MAML2: variants seen among roughly 807,000 people sequenced by gnomAD.
The protein encoded by MAML2 is mastermind-like protein 2.
Under a neutral mutation model 96.1 loss-of-function variants are expected in MAML2, and 22 were observed. The observed-to-expected ratio is 0.23, with a 90% CI of 0.16 to 0.33. The LOEUF (loss-of-function observed/expected upper bound fraction) is 0.33, where lower values mean the gene tolerates loss of function less well. MAML2 is among the 10% of genes least tolerant of loss of function. MAML2 has a pLI of 1.00. For missense variants in MAML2, 1,367 were observed against 1,392.4 expected (o/e 0.98, Z 0.29); for synonymous variants, 561 against 521.3 (o/e 1.08, Z -1.04).
intron 1 of MAML2, among the ~76,000 whole-genome samples, chr11:96,245,860 A>G (rs1862505081): frequency 6.6e-6 from 1 of 151,890 alleles, no homozygotes; most frequent in Admixed American, 6.6e-5. Context: ...GTGCGCCACC[A>G]CATCTGGCTA....
In MAML2 at chr11:96,340,936, A is replaced by C. The variant is rs147344947; in HGVS notation, c.513+447T>G. The stretch of plus-strand genomic sequence containing the variant: ...GGGTCACTTCAAAAGGGAGAGGGGA[A>C]ATGGGGCAAGGAGAAAAAGGCTTTA... On this transcript the variant is annotated intron_variant, in intron 1 of 4. Transcript: ENST00000524717. Among the ~76,000 whole-genome samples the C allele has an allele frequency of 1.5e-3, 226 of 152,290 alleles. 1 individual carries two copies. The highest frequency in any genetic ancestry group is 4.7e-3 in the African/African-American group (194 of 41,564).
intron 1 of MAML2, among the ~76,000 whole-genome samples, chr11:96,172,138 T>C (rs1027726749): frequency 6.6e-6 from 1 of 152,386 alleles, no homozygotes. Context: ...CCAAAAAGTT[T>C]AGACCTCTGC....
At chr11:96,181,881 TATATA>T (rs1861492187) in intron 1 of MAML2, among the ~76,000 whole-genome samples, 1 of 152,076 alleles carries the variant, frequency 6.6e-6, no homozygotes, top group Non-Finnish European at 1.5e-5. Context: ...TTTTTTTCTT[TATATA>T]ATATCACAAC....
intron 1 of MAML2, among the ~76,000 whole-genome samples, chr11:96,309,052 A>G (rs1177015164): frequency 6.6e-6 from 1 of 152,240 alleles, no homozygotes; most frequent in Non-Finnish European, 1.5e-5. Context: ...AAAACAGAGA[A>G]GTAAAAGATA....
At chr11:96,057,882 C>G (rs1442304933) in intron 2 of MAML2, among the ~76,000 whole-genome samples, 1 of 152,196 alleles carries the variant, frequency 6.6e-6, no homozygotes, top group Non-Finnish European at 1.5e-5. Flanking sequence ...TCATAGTGGA[C>G]AGGGATATTG....
At chr11:95,998,141 A>AGCCTGTCTGTCTGTCTGTCTGTCT (rs1858023413) in intron 2 of MAML2, among the ~76,000 whole-genome samples, 2 of 143,544 alleles carry the variant, frequency 1.4e-5, no homozygotes, top group Non-Finnish European at 3.0e-5. Flanking sequence ...TCTGTCTGTC[A>AGCCTGTCTGTCTGTCTGTCTGTCT]GTCTGTCTGT....
chr11:96,173,641 C>A (rs1861336191), intron 1 of MAML2, among the ~76,000 whole-genome samples: 1 of 152,160 alleles, frequency 6.6e-6, no homozygotes, highest in African/African-American at 2.4e-5. Flanking sequence ...TCATTGAATG[C>A]CATGCAAGCC....
intron 2 of MAML2, among the ~76,000 whole-genome samples, chr11:96,022,093 C>T (rs1441380111): frequency 6.6e-6 from 1 of 152,146 alleles, no homozygotes; most frequent in African/African-American, 2.4e-5. Flanking sequence ...GGGCTGGCAC[C>T]CTAGGGCTGG....
chr11:96,203,559 C>CA (rs898412259), intron 1 of MAML2, among the ~76,000 whole-genome samples: 41 of 151,698 alleles, frequency 2.7e-4, no homozygotes, highest in Non-Finnish European at 2.4e-4. Flanking sequence ...CAAGCCTTTA[C>CA]AAAAAAAAGT....
intron 1 of MAML2, among the ~76,000 whole-genome samples, chr11:96,159,506 G>A (rs1004755559): frequency 5.0e-5 from 2 of 40,208 alleles, no homozygotes; most frequent in African/African-American, 1.1e-4. Flanking sequence ...ATCACTGCGA[G>A]CTCCGGCCTC....
rs770880490 is a variant in MAML2, at chr11:96,341,823, C to T, written c.73G>A (p.Gly25Arg). 3 of 1,588,852 alleles carry T rather than the reference C, an allele frequency of 1.9e-6. No homozygotes were observed. In the Admixed American group the frequency reaches 5.2e-5, roughly 28 times the overall value. The change falls in exon 1 of 5, where the codon GGG becomes AGG. Residue 25 changes from glycine to arginine, a missense_variant. Gly to Arg is a moderately radical substitution (Grantham distance 125). Transcript: ENST00000524717. ...GGASGAGLLG[G>R]GSVTPRVHSA... ...TGCACTCTCGGGGTGACTGAGCCCC[C>T]TCCAAGGAGCCCCGCCCCAGAGGCC...
chr11:95,983,143 TGTTATTGTTCCTG>T lies in MAML2; in HGVS notation c.2455+2375_2455+2387del, dbSNP rs147041491. On this transcript the variant is annotated intron_variant, in intron 4 of 4. Coordinates refer to ENST00000524717, the MANE Select transcript of MAML2 (RefSeq NM_032427.4). ...TCATAGGAGGTGACAGCTCCATGTG[TGTTATTGTTCCTG>T]AACACCTTCCAGTGGGTCAAGATGT... Among the ~76,000 whole-genome samples, 845 of 152,230 alleles carry T rather than the reference TGTTATTGTTCCTG, an allele frequency of 5.6e-3. 8 individuals carry two copies. The highest frequency in any genetic ancestry group is 0.019 in the African/African-American group (791 of 41,538).
chr11:96,312,952 TC>T (rs1440275397), intron 1 of MAML2, among the ~76,000 whole-genome samples: 2 of 152,228 alleles, frequency 1.3e-5, no homozygotes, highest in African/African-American at 4.8e-5. Flanking sequence ...AGCAATATGT[TC>T]TCTTTCATTG....
At chr11:96,041,155 T>C (rs1858801824) in intron 2 of MAML2, among the ~76,000 whole-genome samples, 1 of 151,972 alleles carries the variant, frequency 6.6e-6, no homozygotes, top group African/African-American at 2.4e-5. Flanking sequence ...GGTAAGGGTA[T>C]GGATTTTCAA....
chr11:96,098,250 G>A (rs1172895908), intron 1 of MAML2, among the ~76,000 whole-genome samples: 5 of 152,046 alleles, frequency 3.3e-5, no homozygotes, highest in Non-Finnish European at 5.9e-5. Flanking sequence ...AAGGTCATTC[G>A]GTCAGTCAAA....
rs1734544035 is a variant in MAML2 at position 96,342,081 on chromosome 11, G to C, written c.-186C>G. Reference sequence around the variant, plus strand: ...GGGGAGGGGAGTTAGTAAAAAGAGGGTGGGGAGAAAGAATAGAAACCAACT... The same window carrying C: ...GGGGAGGGGAGTTAGTAAAAAGAGGCTGGGGAGAAAGAATAGAAACCAACT... On this transcript the variant is annotated 5_prime_UTR_variant, in exon 1 of 5. Transcript: ENST00000524717. The C allele has an allele frequency of 1.7e-6, 1 of 583,936 alleles. No individual in the cohort carries two copies. The highest frequency in any genetic ancestry group is 3.0e-6 in the Non-Finnish European group (1 of 337,628). The allele number at this position is 583,936 out of a possible 1,614,324, so 36.2% of individuals were successfully genotyped here.
Position 96,342,003 on chromosome 11 carries a change from G to A in MAML2, c.-108C>T. 2 of 1,135,862 alleles carry A rather than the reference G, an allele frequency of 1.8e-6. No individual in the cohort carries two copies. The highest frequency in any genetic ancestry group is 1.6e-5 in the African/African-American group (1 of 63,922). 70.4% of individuals were successfully genotyped at this position (1,135,862 alleles called of 1,614,324 possible). On this transcript the variant is annotated 5_prime_UTR_variant, in exon 1 of 5. Transcript: ENST00000524717. ...TGACAATGTGAGCTCAGTGTTCAGG[G>A]CCACATGAATAGAGGTCTTCAGAGG...
chr11:96,255,519 A>G (rs1042747806), intron 1 of MAML2, among the ~76,000 whole-genome samples: 2 of 152,138 alleles, frequency 1.3e-5, no homozygotes, highest in Admixed American at 1.3e-4. Flanking sequence ...GGGGTGGACG[A>G]TCTATTTTCT....
At chr11:96,249,196 C>A (rs1221609182) in intron 1 of MAML2, among the ~76,000 whole-genome samples, 1 of 152,178 alleles carries the variant, frequency 6.6e-6, no homozygotes, top group African/African-American at 2.4e-5. Context: ...CCTTTTGGGG[C>A]ACTATTTTCT....
Sources: gnomAD v4.1 joint callset for allele counts (sites outside exome capture counted in the v4.1 genomes callset) on GRCh38, gnomAD v4.1.1 for gene constraint, MANE v1.5 for transcripts, NCBI Gene and HGNC (gene_info 2026-07-23, HGNC 2026-07-21) for gene names.